Variants in LIPA observed in about 807,000 individuals in gnomAD.
LIPA encodes lipase A, lysosomal acid type, also known as lysosomal acid lipase/cholesteryl ester hydrolase.
Under a neutral mutation model 40.6 loss-of-function variants are expected in LIPA, and 26 were observed. That is an observed-to-expected ratio of 0.64 (90% CI 0.47 to 0.89). The LOEUF (loss-of-function observed/expected upper bound fraction) is 0.89, where lower values mean the gene tolerates loss of function less well. LIPA is among the 40% of genes least tolerant of loss of function. The pLI is 0.00. For missense variants in LIPA, 455 were observed against 479.6 expected, an observed-to-expected ratio of 0.95 and a Z score of 0.48; for synonymous variants, 188 against 168.4, an observed-to-expected ratio of 1.12 and a Z score of -0.90.
chr10:89,247,661 A>ATTTCTCTACTCATGACTACTTT lies in LIPA; in HGVS notation c.-1-13_-1-12insAAAGTAGTCATGAGTAGAGAAA. ...ACCGCATTTTCATTCTGTATAATAA[A>ATTTCTCTACTCATGACTACTTT]ACAGTCTATTATTATTTGCTTGAAT... On this transcript the variant is annotated splice_polypyrimidine_tract_variant and intron_variant, in intron 1 of 9. Transcript: ENST00000336233. The ATTTCTCTACTCATGACTACTTT allele has an allele frequency of 6.5e-7, 1 of 1,531,400 alleles. No individual in the cohort carries two copies. Among genetic ancestry groups the ATTTCTCTACTCATGACTACTTT allele is most frequent in the Non-Finnish European group, 9.1e-7 (1 of 1,104,778 alleles). 94.9% of individuals were successfully genotyped at this position (1,531,400 alleles called of 1,614,324 possible). A position where few individuals can be genotyped will look rare whatever the true frequency, so the allele number is the denominator to read the frequency against.
At chr10:89,338,878 C>T (rs1589611625) in intron 1 of LIPA, 15 of 1,614,024 alleles carry the variant, frequency 9.3e-6, no homozygotes, top group Non-Finnish European at 1.3e-5. Context: ...GGAATGCTTA[C>T]GGCAAGCTGA....
At chr10:89,372,913 T>C (rs993031921) in intron 2 of LIPA, among the ~76,000 whole-genome samples, 1 of 152,244 alleles carries the variant, frequency 6.6e-6, no homozygotes, top group Non-Finnish European at 1.5e-5. Flanking sequence ...ATAGACATTA[T>C]AGGATCTATG....
At chr10:89,376,836 G>A (rs1646659599) in intron 2 of LIPA, among the ~76,000 whole-genome samples, 1 of 152,162 alleles carries the variant, frequency 6.6e-6, no homozygotes, top group African/African-American at 2.4e-5. Context: ...CCATGCCCAT[G>A]ACCACACCTT....
chr10:89,334,478 CTTTTTTTTTTTTTTTTTTTTT>C (rs578154457), intron 1 of LIPA, among the ~76,000 whole-genome samples: 6 of 25,314 alleles, frequency 2.4e-4, no homozygotes, highest in African/African-American at 5.1e-4. Flanking sequence ...TTCTTTTATT[CTTTTTTTTTTTTTTTTTTTTT>C]TTTTTTTTTT....
Position 89,332,996 on chromosome 10 carries a change from T to C in LIPA, c.-2+9615A>G, listed in dbSNP as rs74363383. Among the ~76,000 whole-genome samples, 40 of 152,282 alleles carry C rather than the reference T, an allele frequency of 2.6e-4. No homozygotes were observed. The East Asian group carries it at 7.3e-3, about 28-fold the overall frequency. On this transcript the variant is annotated intron_variant, in intron 1 of 5. Coordinates refer to the LIPA transcript ENST00000282673. ...ATATTTAGAAAGCCTAAGTCAGAGGTTTGTGGTTTTGTTGTGACTGTGGTT... is the reference window on the plus strand; with the variant it reads ...ATATTTAGAAAGCCTAAGTCAGAGGCTTGTGGTTTTGTTGTGACTGTGGTT...
intron 8 of LIPA, among the ~76,000 whole-genome samples, chr10:89,217,779 T>C (rs1842646267): frequency 6.6e-6 from 1 of 152,216 alleles, no homozygotes; most frequent in Non-Finnish European, 1.5e-5. Flanking sequence ...AACAGTAGAA[T>C]TGTATGCAGT....
chr10:89,305,894 T>C (rs879739692), intron 1 of LIPA: 4 of 1,103,104 alleles, frequency 3.6e-6, no homozygotes, highest in Non-Finnish European at 5.3e-6. Context: ...GCATTTTATT[T>C]GCCATGCTCC....
chr10:89,241,802 G>A (rs1842968370), intron 3 of LIPA, among the ~76,000 whole-genome samples: 1 of 152,088 alleles, frequency 6.6e-6, no homozygotes, highest in Admixed American at 6.5e-5. Context: ...CTCTTGGTGT[G>A]TGTATATATA....
chr10:89,381,304 G>A (rs907099732), intron 2 of LIPA, among the ~76,000 whole-genome samples: 1 of 152,072 alleles, frequency 6.6e-6, no homozygotes, highest in Non-Finnish European at 1.5e-5. Flanking sequence ...AACTCTTCCC[G>A]ATTCCATCTT....
At chr10:89,272,769 ACGT>A (rs1843272003) in intron 1 of LIPA, among the ~76,000 whole-genome samples, 1 of 152,074 alleles carries the variant, frequency 6.6e-6, no homozygotes, top group Non-Finnish European at 1.5e-5. Flanking sequence ...TTATTTTTGG[ACGT>A]TTTATTAACA....
At chr10:89,332,156 G>A (rs1287092590) in intron 1 of LIPA, among the ~76,000 whole-genome samples, 1 of 152,192 alleles carries the variant, frequency 6.6e-6, no homozygotes, top group Non-Finnish European at 1.5e-5. Flanking sequence ...ACTTGAACCC[G>A]AGAGGCAGAA....
intron 1 of LIPA, among the ~76,000 whole-genome samples, chr10:89,268,013 CAA>C (rs1456249631): frequency 6.6e-6 from 1 of 152,162 alleles, no homozygotes; most frequent in Non-Finnish European, 1.5e-5. Context: ...TTATGAACAT[CAA>C]GTTTACTCCC....
intron 1 of LIPA, among the ~76,000 whole-genome samples, chr10:89,305,567 A>G (rs567649161): frequency 6.6e-6 from 1 of 152,328 alleles, no homozygotes; most frequent in South Asian, 2.1e-4. Context: ...GTACAAAAGT[A>G]AAGCTAGGGA....
intron 1 of LIPA, 59 bp from the exon 2 acceptor site, chr10:89,247,708 G>C (rs1843047598): frequency 1.6e-6 from 2 of 1,256,072 alleles, no homozygotes; most frequent in South Asian, 2.5e-5. Context: ...AAAATATTCT[G>C]GTAACTTAAT....
intron 1 of LIPA, among the ~76,000 whole-genome samples, chr10:89,267,749 T>TAAAA (rs55980603): frequency 7.4e-6 from 1 of 135,490 alleles, no homozygotes; most frequent in Admixed American, 7.4e-5. Flanking sequence ...AAAAGAAACT[T>TAAAA]AAAAAAAAAA....
At chr10:89,240,085 C>A (rs1208991261) in intron 3 of LIPA, among the ~76,000 whole-genome samples, 1 of 152,202 alleles carries the variant, frequency 6.6e-6, no homozygotes, top group Non-Finnish European at 1.5e-5. Context: ...GAAGAAAGCA[C>A]CTGCAGGGGA....
At chr10:89,268,412 C>T (rs910332219) in intron 1 of LIPA, among the ~76,000 whole-genome samples, 5 of 152,082 alleles carry the variant, frequency 3.3e-5, no homozygotes, top group African/African-American at 1.2e-4. Context: ...AATATTTTTC[C>T]TGACAGTAAT....
rs748931204 is a variant in LIPA at position 89,402,770 on chromosome 10, A to G, written c.61+10021T>C. 8 of 1,614,246 alleles carry G rather than the reference A, an allele frequency of 5.0e-6. No individual in the cohort carries two copies. The East Asian group carries it at 1.1e-4, about 22-fold the overall frequency. On this transcript the variant is annotated intron_variant, in intron 2 of 8. Coordinates refer to the LIPA transcript ENST00000371837. ...ATGAACGGGCCAAGGCCTGCTTTGA[A>G]AAGGTGCTTGAAGTGGACCCTGAAA...
At chr10:89,400,058 G>C (rs1844400499) in intron 2 of LIPA, among the ~76,000 whole-genome samples, 1 of 152,186 alleles carries the variant, frequency 6.6e-6, no homozygotes, top group African/African-American at 2.4e-5. Context: ...ATTGAGTTAT[G>C]ACATTCTGAG....
Sources: gnomAD v4.1 joint callset for allele counts (sites outside exome capture counted in the v4.1 genomes callset) on GRCh38, gnomAD v4.1.1 for gene constraint, MANE v1.5 for transcripts, NCBI Gene and HGNC (gene_info 2026-07-23, HGNC 2026-07-21) for gene names.